DLC1: variants seen among roughly 807,000 people sequenced by gnomAD.
DLC1 encodes rho GTPase-activating protein 7.
DLC1 carries 54 observed loss-of-function variants against 140.3 expected under a neutral mutation model. The ratio of observed to expected loss-of-function variants is 0.38; its 90% confidence interval spans 0.31 to 0.48. The LOEUF is 0.48. Among genes scored for constraint, DLC1 ranks in the 20% least tolerant of loss-of-function variants. The pLI, the probability that DLC1 is intolerant of heterozygous loss-of-function variation, is 0.96. For synonymous variants in DLC1, 986 were observed against 728.1 expected (o/e 1.35, Z -5.70); for missense variants, 2,536 against 1,907.0 (o/e 1.33, Z -6.14).
intron 5 of DLC1, among the ~76,000 whole-genome samples, chr8:13,117,332 G>C (rs957803211): frequency 6.6e-6 from 1 of 151,998 alleles, no homozygotes; most frequent in East Asian, 1.9e-4. Flanking sequence ...ACAAAAATTA[G>C]TCAGGTGTGG....
intron 3 of DLC1, among the ~76,000 whole-genome samples, chr8:13,397,286 T>A (rs539068563): frequency 3.3e-4 from 50 of 151,878 alleles, no homozygotes; most frequent in African/African-American, 1.2e-3. Context: ...GAGAATTGAG[T>A]CTAGAATCTA....
At chr8:13,393,528 C>G in intron 4 of DLC1, 25 bp downstream of exon 4, 2 of 1,605,998 alleles carry the variant, frequency 1.2e-6, no homozygotes, top group South Asian at 2.2e-5. Flanking sequence ...CACGTAGAGA[C>G]TCTCTGTTAT....
chr8:13,139,690 C>A (rs1461830483), intron 5 of DLC1, among the ~76,000 whole-genome samples: 1 of 152,228 alleles, frequency 6.6e-6, no homozygotes, highest in African/African-American at 2.4e-5. Flanking sequence ...TCAAGGCCTC[C>A]CTGCCAGAAA....
At chr8:13,568,525 G>T (rs1804536121) in intron 1 of DLC1, among the ~76,000 whole-genome samples, 1 of 152,126 alleles carries the variant, frequency 6.6e-6, no homozygotes, top group South Asian at 2.1e-4. Flanking sequence ...CTGGGGGAAG[G>T]GTGGGGATCA....
intron 1 of DLC1, among the ~76,000 whole-genome samples, chr8:13,583,485 A>G (rs1805189512): frequency 2.0e-5 from 3 of 152,170 alleles, no homozygotes; most frequent in Admixed American, 1.3e-4. Context: ...TGCTATTTCT[A>G]TCATATCTGC....
intron 1 of DLC1, among the ~76,000 whole-genome samples, chr8:13,532,192 C>T (rs1379537363): frequency 6.6e-6 from 1 of 152,106 alleles, no homozygotes; most frequent in Non-Finnish European, 1.5e-5. Flanking sequence ...ATAGCTTGAG[C>T]CCAGGACGTT....
chr8:13,200,295 A>G (rs565002623), intron 5 of DLC1, among the ~76,000 whole-genome samples: 39 of 151,950 alleles, frequency 2.6e-4, no homozygotes, highest in Non-Finnish European at 5.2e-4. Context: ...AACTCCTGAC[A>G]TCATGATCTG....
chr8:13,505,714 T>G (rs78513992), intron 1 of DLC1, among the ~76,000 whole-genome samples: 1 of 152,326 alleles, frequency 6.6e-6, no homozygotes, highest in Non-Finnish European at 1.5e-5. Flanking sequence ...ATGTCACCAA[T>G]GTCAGCACAA....
intron 4 of DLC1, among the ~76,000 whole-genome samples, chr8:13,354,935 A>C (rs1465316791): frequency 5.5e-5 from 8 of 146,624 alleles, no homozygotes; most frequent in Non-Finnish European, 1.2e-4. Context: ...CCTGGATGAC[A>C]GAGTGAGACA....
At position 13,488,371 on chromosome 8, in the gene DLC1, C is replaced by A. The variant is rs556798296; in HGVS notation, c.1023+10678G>T. 2.6e-5 allele frequency among the ~76,000 whole-genome samples: 4 copies of A among 152,136 alleles called. No homozygotes were observed. In the South Asian group the frequency reaches 8.3e-4, roughly 32 times the overall value. On this transcript the variant is annotated intron_variant, in intron 2 of 17. Coordinates refer to ENST00000276297, the MANE Select transcript of DLC1 (RefSeq NM_182643.3). ...AATTAATCAAATACTAGCTAGGGAG[C>A]AAATTAACTATAAATTAGCTATAAA...
At chr8:13,276,577 C>T (rs1831179850) in intron 5 of DLC1, 2 of 1,263,840 alleles carry the variant, frequency 1.6e-6, no homozygotes, top group African/African-American at 1.6e-5. Flanking sequence ...CGGCCAAGCG[C>T]GCGCGGCGGC....
At chr8:13,207,039 T>A (rs1827700627) in intron 5 of DLC1, among the ~76,000 whole-genome samples, 1 of 152,182 alleles carries the variant, frequency 6.6e-6, no homozygotes, top group African/African-American at 2.4e-5. Context: ...AGAAGTTGTG[T>A]TATGTATAAA....
intron 2 of DLC1, among the ~76,000 whole-genome samples, chr8:13,426,051 A>C (rs550675716): frequency 4.6e-5 from 7 of 152,134 alleles, no homozygotes; most frequent in Admixed American, 1.3e-4. Flanking sequence ...AGGTTCAGGC[A>C]ATCCTCCTGC....
At chr8:13,573,371 T>C (rs1804732573) in intron 1 of DLC1, among the ~76,000 whole-genome samples, 1 of 152,216 alleles carries the variant, frequency 6.6e-6, no homozygotes. Context: ...AGACAGATTC[T>C]TTAGGGTTTT....
In DLC1 at chr8:13,446,269, T is replaced by C. The variant is rs1798773003; in HGVS notation, c.1024-44650A>G. On this transcript the variant is annotated intron_variant, in intron 2 of 17. Coordinates refer to ENST00000276297, the MANE Select transcript of DLC1 (RefSeq NM_182643.3). ...GGAAAGTATATGATATAATGTCTTT[T>C]AGCAAAATTGTCGCAAAATTTACCT... Among the ~76,000 whole-genome samples, 3 of 152,358 alleles carry C rather than the reference T, an allele frequency of 2.0e-5. No individual in the cohort carries two copies. The East Asian group carries it at 5.8e-4, about 29-fold the overall frequency.
intron 1 of DLC1, among the ~76,000 whole-genome samples, chr8:13,563,821 C>T (rs748804647): frequency 9.2e-5 from 14 of 151,908 alleles, no homozygotes; most frequent in African/African-American, 1.2e-4. Flanking sequence ...ATTTGTTAAA[C>T]GAATCAAATA....
At chr8:13,506,885 G>C (rs953198346) in intron 1 of DLC1, among the ~76,000 whole-genome samples, 2 of 152,000 alleles carry the variant, frequency 1.3e-5, no homozygotes, top group East Asian at 1.9e-4. Flanking sequence ...ACCTTAGTAA[G>C]ATGCATATGT....
chr8:13,485,013 C>G (rs1800902855), intron 2 of DLC1, among the ~76,000 whole-genome samples: 1 of 152,116 alleles, frequency 6.6e-6, no homozygotes, highest in Non-Finnish European at 1.5e-5. Flanking sequence ...AATGCTATGT[C>G]AAGTACAGCT....
intron 1 of DLC1, chr8:13,566,876 C>G (rs10095899): frequency 1.5e-5 from 20 of 1,307,526 alleles, no homozygotes; most frequent in East Asian, 2.7e-5. Flanking sequence ...CGGAAGACGA[C>G]CTCCGCAGAG....
Sources: gnomAD v4.1 joint callset for allele counts (sites outside exome capture counted in the v4.1 genomes callset) on GRCh38, gnomAD v4.1.1 for gene constraint, MANE v1.5 for transcripts, NCBI Gene and HGNC (gene_info 2026-07-23, HGNC 2026-07-21) for gene names.